Variants in CCSER2 observed in about 807,000 individuals in gnomAD.
The protein encoded by CCSER2 is serine-rich coiled-coil domain-containing protein 2.
A neutral mutation model predicts 92.3 loss-of-function variants in CCSER2; 46 were observed. The ratio of observed to expected loss-of-function variants is 0.50; its 90% CI spans 0.39 to 0.64. The LOEUF is 0.64. Ranked by LOEUF, CCSER2 falls within the 30% of genes least tolerant of loss-of-function variation. The pLI, the probability that CCSER2 is intolerant of heterozygous loss-of-function variation, is 0.00. For synonymous variants in CCSER2, 433 were observed against 431.4 expected (o/e 1.00, Z -0.04); for missense variants, 1,244 against 1,238.9 (o/e 1.00, Z -0.06).
intron 1 of CCSER2, among the ~76,000 whole-genome samples, chr10:84,354,677 CT>C (rs893986504): frequency 2.6e-5 from 4 of 151,556 alleles, no homozygotes; most frequent in Non-Finnish European, 5.9e-5. Context: ...ACCATCGTTC[CT>C]GTACTGATAA....
At chr10:84,509,247 T>C (rs1455554569) in intron 9 of CCSER2, among the ~76,000 whole-genome samples, 1 of 152,242 alleles carries the variant, frequency 6.6e-6, no homozygotes, top group African/African-American at 2.4e-5. Flanking sequence ...CCTAAATCAC[T>C]TTGGTAATTC....
At chr10:84,402,242 C>T (rs896727794) in intron 3 of CCSER2, among the ~76,000 whole-genome samples, 2 of 152,088 alleles carry the variant, frequency 1.3e-5, no homozygotes, top group South Asian at 2.1e-4. Context: ...AAGTGAATAC[C>T]GTATGAGCAC....
Position 84,428,981 on chromosome 10 carries a change from A to ATG in CCSER2, c.1868+3092_1868+3093dup, listed in dbSNP as rs199623045. Among the ~76,000 whole-genome samples the ATG allele has an allele frequency of 7.6e-3, 391 of 51,524 alleles. 2 individuals are homozygous for ATG. Among genetic ancestry groups the ATG allele is most frequent in the East Asian group, 0.043 (80 of 1,868 alleles). 33.8% of individuals were successfully genotyped at this position (51,524 alleles called of 152,430 possible). A position where few individuals can be genotyped will look rare whatever the true frequency, so the allele number is the denominator to read the frequency against. On this transcript the variant is annotated intron_variant, in intron 5 of 9. Coordinates refer to ENST00000372088, the MANE Select transcript of CCSER2 (RefSeq NM_001284240.2). ...TGTTGAAGATTTTTTTTGTGTGTGTATGTGTATATATATATATATATATAT... is the reference window on the plus strand; with the variant it reads ...TGTTGAAGATTTTTTTTGTGTGTGTATGTGTGTATATATATATATATATATAT...
At chr10:84,346,842 AG>A (rs960282194) in intron 1 of CCSER2, among the ~76,000 whole-genome samples, 4 of 151,690 alleles carry the variant, frequency 2.6e-5, no homozygotes, top group African/African-American at 9.7e-5. Flanking sequence ...GGGATTTGGC[AG>A]GGTCATAGGA....
At chr10:84,479,030 G>A (rs1056177692) in intron 9 of CCSER2, among the ~76,000 whole-genome samples, 3 of 152,096 alleles carry the variant, frequency 2.0e-5, no homozygotes, top group African/African-American at 4.8e-5. Flanking sequence ...CCTTATAATT[G>A]TACTACTAAG....
chr10:84,391,911 AGAT>A, intron 3 of CCSER2: 1 of 1,348,876 alleles, frequency 7.4e-7, no homozygotes, highest in Non-Finnish European at 1.1e-6. Context: ...TTAACCCAAA[AGAT>A]GATCTCAGAG....
chr10:84,506,651 G>A (rs563159796), intron 9 of CCSER2, among the ~76,000 whole-genome samples: 23 of 152,092 alleles, frequency 1.5e-4, no homozygotes, highest in African/African-American at 5.3e-4. Context: ...AAAATTAGCC[G>A]GGCATGGTGG....
intron 1 of CCSER2, among the ~76,000 whole-genome samples, chr10:84,354,702 A>G (rs766275118): frequency 2.6e-5 from 4 of 151,712 alleles, no homozygotes; most frequent in Non-Finnish European, 4.4e-5. Context: ...CCAAATCATC[A>G]TCTTCCTTTC....
At chr10:84,501,150 A>G (rs547916807) in intron 9 of CCSER2, among the ~76,000 whole-genome samples, 1 of 151,986 alleles carries the variant, frequency 6.6e-6, no homozygotes, top group African/African-American at 2.4e-5. Context: ...TCCTTCTCCC[A>G]CCACCTTGGT....
chr10:84,452,534 G>T (rs896214894), intron 6 of CCSER2, among the ~76,000 whole-genome samples: 1 of 152,202 alleles, frequency 6.6e-6, no homozygotes, highest in Non-Finnish European at 1.5e-5. Context: ...ATTCTAACTA[G>T]AAACTGTAGA....
intron 3 of CCSER2, among the ~76,000 whole-genome samples, chr10:84,399,690 C>T (rs182069586): frequency 1.4e-4 from 22 of 151,950 alleles, no homozygotes; most frequent in Admixed American, 3.3e-4. Flanking sequence ...TTTCTGTGCC[C>T]CTTTTCTAGA....
At position 84,514,597 on chromosome 10, in the gene CCSER2, G is replaced by T; in HGVS notation, c.*330G>T. 1 of 275,710 alleles carries T rather than the reference G, an allele frequency of 3.6e-6. No homozygotes were observed. The highest frequency in any genetic ancestry group is 2.2e-5 in the African/African-American group (1 of 44,846). The allele number at this position is 275,710 out of a possible 1,614,324, so 17.1% of individuals were successfully genotyped here. ...GAGCAGGCAAGAAGTGTGCTTTGCT[G>T]GTTTAGTCCTATTAAGGTCTGTATT... On this transcript the variant is annotated 3_prime_UTR_variant, in exon 10 of 10. Transcript: ENST00000372088.
At position 84,443,616 on chromosome 10, in the gene CCSER2, A is replaced by G. The variant is rs146924998; in HGVS notation, c.2064+4909A>G. On this transcript the variant is annotated intron_variant, in intron 6 of 9. Transcript: ENST00000372088. ...TCAAGGATCTAGAACCAGAAATACC[A>G]TTTGATCCCGCAATCCCATTACTGG... Among the ~76,000 whole-genome samples, 460 of 152,316 alleles carry G rather than the reference A, an allele frequency of 3.0e-3. 4 individuals are homozygous for G. The highest frequency in any genetic ancestry group is 0.011 in the African/African-American group (438 of 41,572).
Position 84,412,665 on chromosome 10 carries a change from T to G in CCSER2, c.1615-5106T>G, listed in dbSNP as rs115366712. On this transcript the variant is annotated intron_variant, in intron 3 of 9. Transcript: ENST00000372088. ...GTGAATGTGGAGGCTGTGAAGGCCCTGAGTTCTGGGAGCCCATGCTATTTA... is the reference window on the plus strand; with the variant it reads ...GTGAATGTGGAGGCTGTGAAGGCCCGGAGTTCTGGGAGCCCATGCTATTTA... 3.0e-3 allele frequency among the ~76,000 whole-genome samples: 450 copies of G among 152,308 alleles called. 2 individuals are homozygous for G. The highest frequency in any genetic ancestry group is 0.01 in the African/African-American group (418 of 41,568).
intron 3 of CCSER2, among the ~76,000 whole-genome samples, chr10:84,376,859 CT>C (rs1179516244): frequency 6.6e-6 from 1 of 151,830 alleles, no homozygotes; most frequent in Non-Finnish European, 1.5e-5. Context: ...TGCTTTCTGC[CT>C]TTTTGCATTT....
chr10:84,423,376 A>G (rs534555223), intron 4 of CCSER2, among the ~76,000 whole-genome samples: 4 of 152,318 alleles, frequency 2.6e-5, no homozygotes, highest in African/African-American at 9.6e-5. Flanking sequence ...GTTTGCTTCT[A>G]ATGCTTACTT....
chr10:84,503,570 C>G (rs770806734), intron 9 of CCSER2, among the ~76,000 whole-genome samples: 1 of 152,134 alleles, frequency 6.6e-6, no homozygotes, highest in Non-Finnish European at 1.5e-5. Flanking sequence ...AAATAGAAAG[C>G]CTTCCTGGTA....
chr10:84,424,369 A>G (rs1301039624), intron 4 of CCSER2, among the ~76,000 whole-genome samples: 1 of 152,130 alleles, frequency 6.6e-6, no homozygotes, highest in African/African-American at 2.4e-5. Context: ...AAACATGAAC[A>G]AAAATTCTTT....
At chr10:84,355,307 C>G (rs956539207) in intron 1 of CCSER2, among the ~76,000 whole-genome samples, 2 of 152,172 alleles carry the variant, frequency 1.3e-5, no homozygotes, top group Non-Finnish European at 2.9e-5. Flanking sequence ...AAACCCTGTT[C>G]ACTACCATTG....
Sources: allele counts gnomAD v4.1 joint callset (sites outside exome capture counted in the v4.1 genomes callset), GRCh38; gene constraint gnomAD v4.1.1; transcripts MANE v1.5; gene names NCBI Gene and HGNC (gene_info 2026-07-23, HGNC 2026-07-21).